The following PTPRO variants were observed in gnomAD, a reference collection of about 807,000 sequenced individuals.
The protein encoded by PTPRO is protein tyrosine phosphatase receptor type O.
In PTPRO, 62 loss-of-function variants were observed where a neutral mutation model predicts 145.2. The observed-to-expected ratio is 0.43, with a 90% CI of 0.35 to 0.53. PTPRO has a LOEUF of 0.53. PTPRO is among the 20% of genes least tolerant of loss of function. The pLI is 0.01. For synonymous variants in PTPRO, 565 were observed against 514.7 expected (o/e 1.10, Z -1.32); for missense variants, 1,345 against 1,482.7 (o/e 0.91, Z 1.53).
intron 1 of PTPRO, among the ~76,000 whole-genome samples, chr12:15,452,275 C>T (rs1057502702): frequency 5.3e-5 from 8 of 152,102 alleles, no homozygotes; most frequent in African/African-American, 1.9e-4. Context: ...AAATATACAA[C>T]CCTCCTAGCT....
At chr12:15,458,824 T>C (rs141198159) in intron 1 of PTPRO, among the ~76,000 whole-genome samples, 41 of 152,264 alleles carry the variant, frequency 2.7e-4, no homozygotes, top group African/African-American at 4.3e-4. Context: ...TATATCTCCA[T>C]TGCATTAAGT....
Position 15,503,961 on chromosome 12 carries a change from G to A in PTPRO, c.1159G>A (p.Glu387Lys). Residue 387 changes from glutamate (E) to lysine (K), a missense_variant, in exon 6 of 27, where the codon GAA becomes AAA. Glu to Lys is a moderately conservative substitution (Grantham distance 56, BLOSUM62 1). Transcript: ENST00000281171. ...VDEEAHEFVA[E>K]LKEPGKYKLS... ...TGAAGAAGCACATGAATTTGTTGCA[G>A]AACTGAAGGAACCTGGGAAATATAA... 2.5e-6 allele frequency: 4 copies of A among 1,596,260 alleles called. No individual in the cohort carries two copies. The highest frequency in any genetic ancestry group is 3.4e-6 in the Non-Finnish European group (4 of 1,164,044).
Position 15,569,493 on chromosome 12 carries a change from T to C in PTPRO, c.2824T>C (p.Phe942Leu). The change falls in exon 19 of 27, where the codon TTT becomes CTT. Residue 942 changes from phenylalanine (F) to leucine (L), a missense_variant. Phe to Leu is a conservative substitution (Grantham distance 22, BLOSUM62 0). This residue lies in a region of PTPRO where 1,130 missense variants were observed against 1,214.7 expected (regional missense o/e 0.93). Coordinates refer to ENST00000281171, the MANE Select transcript of PTPRO (RefSeq NM_030667.3). ...CTCTGACTATAAATTTTCTCTTCAG[T>C]TTGAGGTGAGTTGGTTAAGGCATTT... ...KDSDYKFSLQ[F>L]EELKLIGLDI... 1 of 1,611,326 alleles carries C rather than the reference T, an allele frequency of 6.2e-7. No individual in the cohort carries two copies. Among genetic ancestry groups the C allele is most frequent in the South Asian group, 1.1e-5 (1 of 90,996 alleles).
intron 11 of PTPRO, 121 bp from the exon 12 acceptor site, chr12:15,526,021 A>G: frequency 8.0e-7 from 1 of 1,242,752 alleles, no homozygotes; most frequent in Non-Finnish European, 1.2e-6. Context: ...TAATATAATC[A>G]ATTGCAGACT....
At chr12:15,429,357 G>A (rs548240332) in intron 1 of PTPRO, among the ~76,000 whole-genome samples, 1 of 152,290 alleles carries the variant, frequency 6.6e-6, no homozygotes, top group African/African-American at 2.4e-5. Flanking sequence ...ATTATCACAT[G>A]TTCTGAGAAT....
At chr12:15,543,321 T>C (rs1327172751) in intron 12 of PTPRO, among the ~76,000 whole-genome samples, 2 of 152,174 alleles carry the variant, frequency 1.3e-5, no homozygotes, top group Admixed American at 6.5e-5. Context: ...TAGGAGATTT[T>C]CCTGAGGATC....
intron 1 of PTPRO, among the ~76,000 whole-genome samples, chr12:15,361,007 T>C (rs1938188921): frequency 6.9e-6 from 1 of 145,116 alleles, no homozygotes; most frequent in Non-Finnish European, 1.5e-5. Flanking sequence ...GTGTGTGTTT[T>C]AACTTATAAA....
At chr12:15,544,479 G>T (rs1189067020) in intron 12 of PTPRO, among the ~76,000 whole-genome samples, 1 of 141,042 alleles carries the variant, frequency 7.1e-6, no homozygotes, top group Non-Finnish European at 1.5e-5. Flanking sequence ...CTGCACTCCA[G>T]CCTGGTGACA....
chr12:15,583,946 C>T (rs1319805838), intron 23 of PTPRO, among the ~76,000 whole-genome samples: 1 of 152,152 alleles, frequency 6.6e-6, no homozygotes, highest in Non-Finnish European at 1.5e-5. Context: ...CGTGTTGTTT[C>T]GGTCATTTAA....
At chr12:15,532,374 C>G (rs1029993089) in intron 12 of PTPRO, among the ~76,000 whole-genome samples, 1 of 152,028 alleles carries the variant, frequency 6.6e-6, no homozygotes, top group Non-Finnish European at 1.5e-5. Context: ...AAAGTACTTG[C>G]AATTTACACT....
intron 1 of PTPRO, among the ~76,000 whole-genome samples, chr12:15,399,325 G>A (rs748605644): frequency 2.6e-5 from 4 of 152,158 alleles, no homozygotes; most frequent in African/African-American, 4.8e-5. Context: ...GGTATGTACT[G>A]GTGGTATTGC....
At chr12:15,328,648 A>G (rs1165516383) in intron 1 of PTPRO, among the ~76,000 whole-genome samples, 1 of 152,222 alleles carries the variant, frequency 6.6e-6, no homozygotes, top group African/African-American at 2.4e-5. Context: ...TCTGTAAGAA[A>G]ATGAATATAG....
intron 1 of PTPRO, among the ~76,000 whole-genome samples, chr12:15,361,219 C>A (rs558345762): frequency 2.6e-5 from 4 of 151,460 alleles, no homozygotes; most frequent in African/African-American, 9.7e-5. Context: ...AGGCAGATCA[C>A]GAGGTTAGGA....
At chr12:15,572,538 G>T (rs1475007847) in intron 19 of PTPRO, among the ~76,000 whole-genome samples, 5 of 151,960 alleles carry the variant, frequency 3.3e-5, no homozygotes, top group African/African-American at 7.3e-5. Context: ...TTATTTTCAT[G>T]TACCTTATAA....
intron 12 of PTPRO, among the ~76,000 whole-genome samples, chr12:15,531,223 C>T (rs1419989589): frequency 6.6e-6 from 1 of 152,076 alleles, no homozygotes; most frequent in African/African-American, 2.4e-5. Flanking sequence ...AATAAAGTCT[C>T]CTACCAAAGA....
chr12:15,512,061 T>C (rs1177684267), intron 7 of PTPRO, among the ~76,000 whole-genome samples: 1 of 152,120 alleles, frequency 6.6e-6, no homozygotes, highest in Non-Finnish European at 1.5e-5. Flanking sequence ...ACACTTATAG[T>C]CAGATGTCTA....
chr12:15,494,693 A>T (rs1942066171), intron 2 of PTPRO, among the ~76,000 whole-genome samples: 1 of 151,872 alleles, frequency 6.6e-6, no homozygotes, highest in Non-Finnish European at 1.5e-5. Context: ...CAGAAAAAAA[A>T]TTGGAAAATA....
intron 1 of PTPRO, among the ~76,000 whole-genome samples, chr12:15,385,001 A>G (rs556814497): frequency 4.3e-4 from 65 of 152,238 alleles, no homozygotes; most frequent in Non-Finnish European, 6.6e-4. Flanking sequence ...CAGCAAATGT[A>G]TGCACACAGG....
chr12:15,413,169 C>A (rs577674877), intron 1 of PTPRO, among the ~76,000 whole-genome samples: 1 of 152,262 alleles, frequency 6.6e-6, no homozygotes, highest in Admixed American at 6.5e-5. Flanking sequence ...TGGCTCACTG[C>A]AACCTCTGCC....
Sources: gnomAD v4.1 joint callset for allele counts (sites outside exome capture counted in the v4.1 genomes callset) on GRCh38, gnomAD v4.1.1 for gene constraint, gnomAD v4.1.1 regional missense constraint, MANE v1.5 for transcripts, NCBI Gene and HGNC (gene_info 2026-07-23, HGNC 2026-07-21) for gene names.